Variants in CMC2 observed in about 807,000 individuals in gnomAD.
The protein encoded by CMC2 is C-X9-C motif containing 2, also known as COX assembly mitochondrial protein 2 homolog.
CMC2 carries 5 observed loss-of-function variants against 7.5 expected under a neutral mutation model. The observed-to-expected ratio is 0.66, with a 90% CI of 0.35 to 1.40. The LOEUF (loss-of-function observed/expected upper bound fraction) is 1.40, where lower values mean the gene tolerates loss of function less well. CMC2 is among the 40% of genes most tolerant of loss of function. CMC2 has a pLI of 0.04. For synonymous variants in CMC2, 37 were observed against 31.4 expected (o/e 1.18, Z -0.60); for missense variants, 115 against 92.3 (o/e 1.25, Z -1.01).
chr16:80,979,619 T>A (rs79159846), intron 3 of CMC2, among the ~76,000 whole-genome samples: 4,830 of 151,900 alleles, frequency 0.032, 110 homozygotes, highest in Non-Finnish European at 0.046. Context: ...TTTATTTTAT[T>A]TTTTTTTAAT....
intron 1 of CMC2, among the ~76,000 whole-genome samples, chr16:81,001,643 C>T (rs1276649596): frequency 6.6e-6 from 1 of 151,832 alleles, no homozygotes; most frequent in African/African-American, 2.4e-5. Flanking sequence ...TTTCACCATG[C>T]GAATTTTATG....
rs1350395051 is a variant in CMC2 at position 80,969,450 on chromosome 16, A to G, written c.*6643T>C. 6.6e-6 allele frequency: 1 copy of G among 152,276 alleles called. No homozygotes were observed. The highest frequency in any genetic ancestry group is 1.9e-4 in the East Asian group (1 of 5,198). The allele number at this position is 152,276 out of a possible 1,614,324, so 9.4% of individuals were successfully genotyped here. A position where few individuals can be genotyped will look rare whatever the true frequency, so the allele number is the denominator to read the frequency against. On this transcript the variant is annotated 3_prime_UTR_variant, in exon 4 of 4. Transcript: ENST00000219400. ...GCCCACTTCAGTAAATGGGGCCCACAGGAAGGTCTGAAGGGGCTGGAACAA... is the reference window on the plus strand; with the variant it reads ...GCCCACTTCAGTAAATGGGGCCCACGGGAAGGTCTGAAGGGGCTGGAACAA...
At chr16:81,000,647 A>G (rs963001055) in intron 1 of CMC2, among the ~76,000 whole-genome samples, 1 of 152,256 alleles carries the variant, frequency 6.6e-6, no homozygotes, top group Non-Finnish European at 1.5e-5. Context: ...CCACAATGAG[A>G]TATCACCTCA....
At chr16:81,001,414 T>C (rs966818313) in intron 1 of CMC2, 9 of 152,158 alleles carry the variant, frequency 5.9e-5, no homozygotes, top group African/African-American at 2.2e-4. Context: ...CCTAAAGTAG[T>C]CAAAATCAAA....
chr16:80,994,109 T>G (rs1422301689), intron 2 of CMC2, among the ~76,000 whole-genome samples: 1 of 152,178 alleles, frequency 6.6e-6, no homozygotes, highest in Admixed American at 6.5e-5. Context: ...GAACAGTCTC[T>G]TCAACATATG....
intron 2 of CMC2, among the ~76,000 whole-genome samples, chr16:80,994,607 T>C (rs918714278): frequency 1.3e-5 from 2 of 152,172 alleles, no homozygotes; most frequent in Non-Finnish European, 2.9e-5. Context: ...TCAAAATCAT[T>C]AGTCATCAGG....
At chr16:80,985,371 T>C (rs1967441036) in intron 2 of CMC2, among the ~76,000 whole-genome samples, 1 of 152,202 alleles carries the variant, frequency 6.6e-6, no homozygotes, top group Admixed American at 6.5e-5. Flanking sequence ...ACATGAGAAT[T>C]CAGGTATATT....
Position 80,974,398 on chromosome 16 carries a change from C to T in CMC2, c.*1695G>A, listed in dbSNP as rs1912132055. ...AATATATCAGCCTTCCAACTAACTC[C>T]TCTACCCAAATCCCTAATCACCATA... is the stretch of plus-strand genomic sequence containing the variant. On this transcript the variant is annotated 3_prime_UTR_variant, in exon 4 of 4. Transcript: ENST00000219400. 1 of 152,174 alleles carries T rather than the reference C, an allele frequency of 6.6e-6. No individual in the cohort carries two copies. The highest frequency in any genetic ancestry group is 6.5e-5 in the Admixed American group (1 of 15,282). The allele number at this position is 152,174 out of a possible 1,614,324, so 9.4% of individuals were successfully genotyped here.
intron 2 of CMC2, among the ~76,000 whole-genome samples, chr16:80,987,403 T>C (rs1597236966): frequency 6.6e-6 from 1 of 152,234 alleles, no homozygotes; most frequent in African/African-American, 2.4e-5. Context: ...GTTTGCTTTA[T>C]ACTTTCCTAC....
chr16:80,989,185 T>C (rs1967780989), intron 2 of CMC2, among the ~76,000 whole-genome samples: 1 of 152,226 alleles, frequency 6.6e-6, no homozygotes, highest in East Asian at 1.9e-4. Flanking sequence ...TCCAATTATT[T>C]CCTCAAACTT....
intron 1 of CMC2, chr16:80,998,038 T>C (rs1181399061): frequency 6.6e-6 from 1 of 151,724 alleles, no homozygotes; most frequent in Non-Finnish European, 1.5e-5. Context: ...TAAGTTTAAT[T>C]GGATCATCCA....
chr16:80,979,413 C>A (rs2151617055), intron 3 of CMC2, among the ~76,000 whole-genome samples: 1 of 152,004 alleles, frequency 6.6e-6, no homozygotes, highest in South Asian at 2.1e-4. Context: ...AGATCTCAGG[C>A]CAGCTGAGAA....
At position 80,969,098 on chromosome 16, in the gene CMC2, C is replaced by T. The variant is rs1911745599; in HGVS notation, c.*6995G>A. On this transcript the variant is annotated 3_prime_UTR_variant, in exon 4 of 4. Transcript: ENST00000219400. ...GTTAAGTGTGTGTGTCAGAAAGTTA[C>T]TGGTGGGAAATTCTGGAAAGATAGT... 1 of 152,162 alleles carries T rather than the reference C, an allele frequency of 6.6e-6. No individual in the cohort carries two copies. Among genetic ancestry groups the T allele is most frequent in the Non-Finnish European group, 1.5e-5 (1 of 68,040 alleles). The allele number at this position is 152,162 out of a possible 1,614,324, so 9.4% of individuals were successfully genotyped here.
In CMC2 at chr16:80,978,136, C is replaced by G. The variant is rs75028379; in HGVS notation, c.154-1957G>C. On this transcript the variant is annotated intron_variant, in intron 3 of 3. Coordinates refer to ENST00000219400, the MANE Select transcript of CMC2 (RefSeq NM_020188.5). Reference sequence around the variant, plus strand: ...GTCCCTTCAAAGTCATTCATTTTATCTATCATACATTAAATTTACTCATAA... The same window carrying G: ...GTCCCTTCAAAGTCATTCATTTTATGTATCATACATTAAATTTACTCATAA... 2,154 of 308,354 alleles carry G rather than the reference C, an allele frequency of 7.0e-3. 47 individuals carry two copies. Among genetic ancestry groups the G allele is most frequent in the African/African-American group, 0.046 (2,017 of 43,448 alleles). The allele number at this position is 308,354 out of a possible 1,614,324, so 19.1% of individuals were successfully genotyped here.
At chr16:80,988,703 A>G in intron 2 of CMC2, 1 of 594,578 alleles carries the variant, frequency 1.7e-6, no homozygotes, top group Non-Finnish European at 3.0e-6. Flanking sequence ...AATTTCACCA[A>G]TTTGCCTAAT....
intron 1 of CMC2, 90 bp from the exon 2 acceptor site, chr16:80,997,519 CAG>C: frequency 1.5e-6 from 1 of 673,712 alleles, no homozygotes; most frequent in East Asian, 2.7e-5. Flanking sequence ...TGACCTTTAT[CAG>C]AGAAGTATGT....
rs1911603804 is a variant in CMC2 at position 80,967,042 on chromosome 16, T to C, written c.*9051A>G. On this transcript the variant is annotated 3_prime_UTR_variant, in exon 4 of 4. Coordinates refer to ENST00000219400, the MANE Select transcript of CMC2 (RefSeq NM_020188.5). Reference sequence around the variant, plus strand: ...ACTTCAACACTTTATTTATTCTTTATTCACTAAAAATTCATTCATTCAGTG... The same window carrying C: ...ACTTCAACACTTTATTTATTCTTTACTCACTAAAAATTCATTCATTCAGTG... The C allele has an allele frequency of 6.6e-6, 1 of 152,258 alleles. No homozygotes were observed. The highest frequency in any genetic ancestry group is 1.5e-5 in the Non-Finnish European group (1 of 68,046). The allele number at this position is 152,258 out of a possible 1,614,324, so 9.4% of individuals were successfully genotyped here.
intron 2 of CMC2, 185 bp downstream of exon 2, chr16:80,997,129 A>G: frequency 3.3e-6 from 2 of 597,736 alleles, no homozygotes; most frequent in South Asian, 1.9e-5. Flanking sequence ...TTTACTAATC[A>G]TAAAAGGAGG....
At chr16:81,006,685 G>A in intron 1 of CMC2, 49 bp downstream of exon 1, 1 of 983,390 alleles carries the variant, frequency 1.0e-6, no homozygotes, top group Non-Finnish European at 1.2e-6. Context: ...AGGGACCTGA[G>A]GAGGAACAAC....
Sources: allele counts gnomAD v4.1 joint callset (sites outside exome capture counted in the v4.1 genomes callset), GRCh38; gene constraint gnomAD v4.1.1; transcripts MANE v1.5; gene names NCBI Gene and HGNC (gene_info 2026-07-23, HGNC 2026-07-21).